NTNG2: variants seen among roughly 807,000 people sequenced by gnomAD.
The protein encoded by NTNG2 is netrin G2, also known as netrin-G2.
A neutral mutation model predicts 47.6 loss-of-function variants in NTNG2; 15 were observed. The observed-to-expected ratio is 0.32, with a 90% CI of 0.21 to 0.49. NTNG2 has a LOEUF of 0.49. Ranked by LOEUF, NTNG2 falls within the 20% of genes least tolerant of loss-of-function variation. NTNG2 has a pLI of 0.99. For missense variants in NTNG2, 578 were observed against 764.6 expected (o/e 0.76, Z 2.88); for synonymous variants, 307 against 324.6 (o/e 0.95, Z 0.58).
At position 132,218,950 on chromosome 9, in the gene NTNG2, C is replaced by T. The variant is rs928107667; in HGVS notation, c.858-7899C>T. Among the ~76,000 whole-genome samples, 4 of 152,230 alleles carry T rather than the reference C, an allele frequency of 2.6e-5. No homozygotes were observed. Among genetic ancestry groups the T allele is most frequent in the Non-Finnish European group, 1.5e-5 (1 of 68,046 alleles). Reference sequence around the variant, plus strand: ...CAGCTTTACCCAGATGTGATTCACACGTTGTACAATCCACACATGTAAAGC... The same window carrying T: ...CAGCTTTACCCAGATGTGATTCACATGTTGTACAATCCACACATGTAAAGC... On this transcript the variant is annotated intron_variant, in intron 3 of 7. Transcript: ENST00000393229. The surrounding 1 kb of genome is among the most constrained non-coding windows in gnomAD (Gnocchi z 5.4).
At chr9:132,212,963 C>T (rs1839704643) in intron 3 of NTNG2, among the ~76,000 whole-genome samples, 1 of 152,214 alleles carries the variant, frequency 6.6e-6, no homozygotes, top group African/African-American at 2.4e-5. Context: ...CCCCAGGCCA[C>T]AGTGTTTCAT....
intron 3 of NTNG2, among the ~76,000 whole-genome samples, chr9:132,199,710 CT>C (rs1838595943): frequency 1.4e-4 from 18 of 127,498 alleles, no homozygotes; most frequent in African/African-American, 7.5e-4. Context: ...CATGGACACT[CT>C]TCCTAGACAG....
intron 2 of NTNG2, among the ~76,000 whole-genome samples, chr9:132,189,098 A>G (rs1181359688): frequency 2.4e-5 from 1 of 42,414 alleles, no homozygotes; most frequent in African/African-American, 2.1e-4. Context: ...TTTTTTTTAG[A>G]CAGGGTCTCA....
intron 3 of NTNG2, among the ~76,000 whole-genome samples, chr9:132,201,712 G>A (rs896364145): frequency 2.0e-5 from 3 of 152,226 alleles, no homozygotes; most frequent in Non-Finnish European, 4.4e-5. Flanking sequence ...TCGAGCATTT[G>A]CTACGGGCTC....
At chr9:132,177,297 T>G (rs1024879788) in intron 2 of NTNG2, among the ~76,000 whole-genome samples, 2 of 152,232 alleles carry the variant, frequency 1.3e-5, no homozygotes, top group Non-Finnish European at 1.5e-5. Flanking sequence ...TATTTTAAAT[T>G]TAATGAACTC....
chr9:132,211,081 G>A (rs1839556651), intron 3 of NTNG2, among the ~76,000 whole-genome samples: 2 of 152,216 alleles, frequency 1.3e-5, no homozygotes, highest in Admixed American at 6.5e-5. Context: ...GTGAGCGGAG[G>A]CCTCCGCAGC....
intron 3 of NTNG2, among the ~76,000 whole-genome samples, chr9:132,205,781 C>T (rs556005441): frequency 6.6e-5 from 10 of 151,990 alleles, no homozygotes; most frequent in African/African-American, 1.4e-4. Context: ...CTTGGGAAGC[C>T]GAGACAGGAG....
At chr9:132,186,386 T>A (rs143030058) in intron 2 of NTNG2, among the ~76,000 whole-genome samples, 170 of 152,342 alleles carry the variant, frequency 1.1e-3, no homozygotes, top group Non-Finnish European at 2.0e-3. Context: ...GAATGTGTCC[T>A]TTAAGAAAAC....
chr9:132,233,423 G>C (rs1229085178), intron 5 of NTNG2: 1 of 152,330 alleles, frequency 6.6e-6, no homozygotes, highest in African/African-American at 2.4e-5. Flanking sequence ...ATTGTGCAAA[G>C]TTGGGAATTA....
chr9:132,238,874 G>A (rs1841809578), intron 5 of NTNG2: 2 of 616,136 alleles, frequency 3.2e-6, no homozygotes, highest in South Asian at 3.4e-5. Context: ...GGCCAGGTGG[G>A]AATCCCTGGG....
At chr9:132,168,259 G>A (rs1402180806) in intron 2 of NTNG2, among the ~76,000 whole-genome samples, 1 of 152,242 alleles carries the variant, frequency 6.6e-6, no homozygotes, top group East Asian at 1.9e-4. Flanking sequence ...TGGCAGGGCA[G>A]GGCAGAGCTG....
At chr9:132,166,251 CTT>C (rs1327401992) in intron 1 of NTNG2, 96 bp from the exon 2 acceptor site, 1 of 160,968 alleles carries the variant, frequency 6.2e-6, no homozygotes, top group African/African-American at 2.4e-5. Flanking sequence ...AAAGAAATCT[CTT>C]TTATTGGTCT....
chr9:132,210,261 A>T (rs1306800931), intron 3 of NTNG2, among the ~76,000 whole-genome samples: 3 of 152,038 alleles, frequency 2.0e-5, no homozygotes, highest in African/African-American at 7.2e-5. Context: ...GTAAAATGGG[A>T]TCCCGCTCTT....
At chr9:132,189,064 C>CTTTT (rs1179386814) in intron 2 of NTNG2, among the ~76,000 whole-genome samples, 4 of 61,746 alleles carry the variant, frequency 6.5e-5, no homozygotes, top group African/African-American at 2.6e-4. Flanking sequence ...GGCTTTAAGC[C>CTTTT]TTTCTTTTTT....
Position 132,180,758 on chromosome 9 carries a change from G to A in NTNG2, c.213+13714G>A, listed in dbSNP as rs1453823803. On this transcript the variant is annotated intron_variant, in intron 2 of 7. Coordinates refer to ENST00000393229, the MANE Select transcript of NTNG2 (RefSeq NM_032536.4). The surrounding 1 kb of genome is among the most constrained non-coding windows in gnomAD (Gnocchi z 4.2). ...CCCAGCATCCAGGAAGACCCAGAGGGGAGAAATGCAGGGAACCTACCCAGA... is the reference window on the plus strand; with the variant it reads ...CCCAGCATCCAGGAAGACCCAGAGGAGAGAAATGCAGGGAACCTACCCAGA... Among the ~76,000 whole-genome samples the A allele has an allele frequency of 6.6e-6, 1 of 152,194 alleles. No homozygotes were observed. Among genetic ancestry groups the A allele is most frequent in the African/African-American group, 2.4e-5 (1 of 41,442 alleles).
In NTNG2 at chr9:132,242,225, G is replaced by GTGCT. The variant is rs1842036443; in HGVS notation, c.*115_*118dup. The GTGCT allele has an allele frequency of 2.9e-5, 10 of 341,460 alleles. No individual in the cohort carries two copies. Among genetic ancestry groups the GTGCT allele is most frequent in the Non-Finnish European group, 4.3e-5 (10 of 232,992 alleles). The allele number at this position is 341,460 out of a possible 1,614,324, so 21.2% of individuals were successfully genotyped here. A position where few individuals can be genotyped will look rare whatever the true frequency, so the allele number is the denominator to read the frequency against. On this transcript the variant is annotated 3_prime_UTR_variant, in exon 8 of 8. Coordinates refer to ENST00000393229, the MANE Select transcript of NTNG2 (RefSeq NM_032536.4). The surrounding 1 kb of genome is among the most constrained non-coding windows in gnomAD (Gnocchi z 5.9). Reference sequence around the variant, plus strand: ...AGGGTGCGGCCCGAGGTGCTCCCAGGTGCTACTCAGCAGGGCCCCCCGCCC... The same window carrying GTGCT: ...AGGGTGCGGCCCGAGGTGCTCCCAGGTGCTTGCTACTCAGCAGGGCCCCCCGCCC...
chr9:132,234,678 T>C (rs1316987459), intron 5 of NTNG2, among the ~76,000 whole-genome samples: 1 of 152,224 alleles, frequency 6.6e-6, no homozygotes, highest in Non-Finnish European at 1.5e-5. Flanking sequence ...CACTAATCCT[T>C]TCCTGGGCTG....
intron 2 of NTNG2, among the ~76,000 whole-genome samples, chr9:132,179,508 T>A (rs942199858): frequency 6.6e-6 from 1 of 152,026 alleles, no homozygotes; most frequent in Non-Finnish European, 1.5e-5. Flanking sequence ...CCGGGTAGGA[T>A]GGTGGCTGGA....
chr9:132,222,042 A>G (rs1156963949), intron 3 of NTNG2, among the ~76,000 whole-genome samples: 1 of 152,192 alleles, frequency 6.6e-6, no homozygotes, highest in Non-Finnish European at 1.5e-5. Flanking sequence ...GTTAGATAGG[A>G]ATTCAGAAGT....
Sources: allele counts gnomAD v4.1 joint callset (sites outside exome capture counted in the v4.1 genomes callset), GRCh38; gene constraint gnomAD v4.1.1; non-coding constraint Gnocchi (gnomAD v3.1); transcripts MANE v1.5; gene names NCBI Gene and HGNC (gene_info 2026-07-23, HGNC 2026-07-21).